Variants in COMTD1 observed in about 807,000 individuals in gnomAD.
COMTD1 encodes the protein catechol O-methyltransferase domain-containing protein 1.
COMTD1 carries 35 observed loss-of-function variants against 33.6 expected under a neutral mutation model. The observed-to-expected ratio is 1.04, with a 90% CI of 0.80 to 1.38. COMTD1 has a LOEUF of 1.38. COMTD1 is among the 40% of genes most tolerant of loss of function. The probability of loss-of-function intolerance (pLI) is 0.00; values close to 1 mark genes in which losing one functional copy is unlikely to be tolerated. For synonymous variants in COMTD1, 160 were observed against 176.8 expected, an observed-to-expected ratio of 0.91 and a Z score of 0.75; for missense variants, 370 against 363.4, an observed-to-expected ratio of 1.02 and a Z score of -0.15.
At chr10:75,234,465 C>G in intron 6 of COMTD1, 145 bp downstream of exon 6, 4 of 1,300,428 alleles carry the variant, frequency 3.1e-6, no homozygotes, top group Non-Finnish European at 4.2e-6. Context: ...GGAGGAAAGC[C>G]TGGGTACCGG....
At chr10:75,234,877 G>T (rs1842167333) in intron 5 of COMTD1, 61 bp downstream of exon 5, 1 of 1,533,398 alleles carries the variant, frequency 6.5e-7, no homozygotes, top group African/African-American at 1.4e-5. Context: ...TCACAGCTCG[G>T]CCACACAGCA....
chr10:75,235,696 G>T lies in COMTD1; in HGVS notation c.142C>A (p.Pro48Thr). ...WRGRREQCLL[P>T]PEDSRLWQYL... The stretch of plus-strand genomic sequence containing the variant: ...TGCCACAGGCGGCTGTCCTCGGGGG[G>T]AAGCAGGCACTGCTCTCGCCGGCCT... Residue 48 changes from proline to threonine, a missense_variant, in exon 2 of 7, where the codon CCC (proline) becomes ACC (threonine). Transcript: ENST00000372538. 1 of 1,598,040 alleles carries T rather than the reference G, an allele frequency of 6.3e-7. No homozygotes were observed.
At chr10:75,234,504 A>G (rs1348380134) in intron 6 of COMTD1, 106 bp downstream of exon 6, 36 of 1,440,090 alleles carry the variant, frequency 2.5e-5, no homozygotes, top group Non-Finnish European at 3.0e-5. Context: ...GGTGTAGCCT[A>G]CGTGACTGGA....
intron 5 of COMTD1, 55 bp from the exon 6 acceptor site, chr10:75,234,798 A>C: frequency 6.5e-7 from 1 of 1,538,496 alleles, no homozygotes; most frequent in Non-Finnish European, 8.7e-7. Context: ...GGCGGCCCTG[A>C]GGCCCCTCCC....
Position 75,234,618 on chromosome 10 carries a change from C to A in COMTD1, c.628G>T (p.Val210Phe). 6.4e-7 allele frequency: 1 copy of A among 1,562,052 alleles called. No individual in the cohort carries two copies. The highest frequency in any genetic ancestry group is 8.7e-7 in the Non-Finnish European group (1 of 1,153,740). Residue 210 changes from valine (V) to phenylalanine (F), a missense_variant, in exon 6 of 7, where the codon GTC (valine) becomes TTC (phenylalanine). Transcript: ENST00000372538. ...QLLRPGGILA[V>F]LRVLWRGKVL... is the part of the protein sequence containing the mutation. Reference sequence around the variant, plus strand: ...CGCAGTGGATCCCTTACTCTGAGGACGGCGAGGATGCCTCCGGGTCGCAGC... The same window carrying A: ...CGCAGTGGATCCCTTACTCTGAGGAAGGCGAGGATGCCTCCGGGTCGCAGC...
intron 5 of COMTD1, 41 bp downstream of exon 5, chr10:75,234,897 G>A (rs1445961229): frequency 6.5e-6 from 10 of 1,535,438 alleles, no homozygotes; most frequent in African/African-American, 1.4e-5. Context: ...AGCCTCGTTT[G>A]CAATGAATGG....
At chr10:75,234,505 C>G (rs1039998272) in intron 6 of COMTD1, 105 bp downstream of exon 6, 2 of 1,442,708 alleles carry the variant, frequency 1.4e-6, no homozygotes, top group East Asian at 5.0e-5. Context: ...GTGTAGCCTA[C>G]GTGACTGGAC....
chr10:75,233,963 T>A lies in COMTD1; in HGVS notation c.*110A>T. ...CCCATCCAGCGCCACACACGGAGGC[T>A]CAGGAGGTCGTGTGTCCCAGCCCCA... On this transcript the variant is annotated 3_prime_UTR_variant, in exon 7 of 7. Coordinates refer to ENST00000372538, the MANE Select transcript of COMTD1 (RefSeq NM_144589.4). 1 of 1,587,378 alleles carries A rather than the reference T, an allele frequency of 6.3e-7. No individual in the cohort carries two copies. Among genetic ancestry groups the A allele is most frequent in the East Asian group, 2.2e-5 (1 of 44,510 alleles).
intron 6 of COMTD1, 107 bp from the exon 7 acceptor site, chr10:75,234,332 G>T: frequency 8.1e-7 from 1 of 1,240,980 alleles, no homozygotes; most frequent in Non-Finnish European, 1.1e-6. Context: ...GGGAGGCGGG[G>T]TCTTGGAGGG....
In COMTD1 at chr10:75,234,129, C is replaced by T; in HGVS notation, c.733G>A (p.Val245Ile). The T allele has an allele frequency of 6.2e-7, 1 of 1,613,880 alleles. No individual in the cohort carries two copies. The highest frequency in any genetic ancestry group is 1.1e-5 in the South Asian group (1 of 91,090). ...LNERIRRDVR[V>I]YISLLPLGDG... ...CCCAGGGGCAGGAGGCTGATGTAGA[C>T]CCTGACGTCCCGCCGGATGCGTTCG... Residue 245 changes from valine to isoleucine, a missense_variant, in exon 7 of 7, where the codon GTC becomes ATC. Transcript: ENST00000372538.
Position 75,235,064 on chromosome 10 carries a change from C to T in COMTD1, c.443G>A (p.Arg148Lys). ...GAGCTAGGCGCGGGCGCTCACCTGC[C>T]TCCACAGGGGCCGTCCCAGCTCCGG... The part of the protein sequence containing the change: ...QPPELGRPLW[R>K]QAEAEHKIDL... The change falls in exon 4 of 7, where the codon AGG becomes AAG. Residue 148 changes from arginine to lysine, a missense_variant. Arg to Lys is a conservative substitution (Grantham distance 26). Coordinates refer to ENST00000372538, the MANE Select transcript of COMTD1 (RefSeq NM_144589.4). 6.9e-7 allele frequency: 1 copy of T among 1,438,996 alleles called. No homozygotes were observed. The highest frequency in any genetic ancestry group is 9.1e-7 in the Non-Finnish European group (1 of 1,100,700). The allele number at this position is 1,438,996 out of a possible 1,614,324, so 89.1% of individuals were successfully genotyped here.
At position 75,235,300 on chromosome 10, in the gene COMTD1, G is replaced by A. The variant is rs770284593; in HGVS notation, c.295C>T (p.Arg99Trp). The change falls in exon 3 of 7, where the codon CGG becomes TGG. Residue 99 changes from arginine to tryptophan, a missense_variant. Coordinates refer to ENST00000372538, the MANE Select transcript of COMTD1 (RefSeq NM_144589.4). ...EQAQLLANLA[R>W]LIQAKKALDL... ...AGCGCCTTCTTGGCCTGGATGAGCC[G>A]CGCCAGGTTGGCCAAGAGCTGGGCC... 1.9e-6 allele frequency: 3 copies of A among 1,589,862 alleles called. No individual in the cohort carries two copies. Among genetic ancestry groups the A allele is most frequent in the African/African-American group, 2.7e-5 (2 of 73,632 alleles).
At chr10:75,234,492 G>A (rs544377878) in intron 6 of COMTD1, 118 bp downstream of exon 6, 1 of 1,405,442 alleles carries the variant, frequency 7.1e-7, no homozygotes, top group East Asian at 2.5e-5. Flanking sequence ...AGCCCCGGAG[G>A]GGGTGTAGCC....
At position 75,234,223 on chromosome 10, in the gene COMTD1, G is replaced by GAC; in HGVS notation, c.637_638dup (p.Leu214SerfsTer23). On this transcript the variant is annotated frameshift_variant and splice_region_variant, in exon 7 of 7. Coordinates refer to ENST00000372538, the MANE Select transcript of COMTD1 (RefSeq NM_144589.4). LOFTEE classifies it high-confidence loss of function. ...GTTGCAGCACCTTCCCGCGCCACAGGACCTGCGGGAGGGCGGGGCCAACCG... is the reference window on the plus strand; with the variant it reads ...GTTGCAGCACCTTCCCGCGCCACAGGACACCTGCGGGAGGGCGGGGCCAACCG... The GAC allele has an allele frequency of 6.2e-7, 1 of 1,609,744 alleles. No homozygotes were observed. Among genetic ancestry groups the GAC allele is most frequent in the African/African-American group, 1.3e-5 (1 of 75,042 alleles).
chr10:75,235,852 G>A lies in COMTD1; in HGVS notation c.77C>T (p.Ala26Val), dbSNP rs1332030144. Reference sequence around the variant, plus strand: ...CTGCTCACCCAGGAAGAGGCCAGTGGCGAAGGCGGCGCCCAGTGCGGCTGA... The same window carrying A: ...CTGCTCACCCAGGAAGAGGCCAGTGACGAAGGCGGCGCCCAGTGCGGCTGA... ...LGSAALGAAF[A>V]TGLFLGRRCP... The change falls in exon 1 of 7, where the codon GCC becomes GTC. Residue 26 changes from alanine (A) to valine (V), a missense_variant. Ala to Val is a moderately conservative substitution (Grantham distance 64). Coordinates refer to ENST00000372538, the MANE Select transcript of COMTD1 (RefSeq NM_144589.4). 1.3e-6 allele frequency: 2 copies of A among 1,528,438 alleles called. No individual in the cohort carries two copies. Among genetic ancestry groups the A allele is most frequent in the African/African-American group, 2.8e-5 (2 of 71,316 alleles). The allele number at this position is 1,528,438 out of a possible 1,614,324, so 94.7% of individuals were successfully genotyped here. A position where few individuals can be genotyped will look rare whatever the true frequency, so the allele number is the denominator to read the frequency against.
Position 75,233,889 on chromosome 10 carries a change from C to G in COMTD1, c.*184G>C. On this transcript the variant is annotated 3_prime_UTR_variant, in exon 7 of 7. Transcript: ENST00000372538. Reference sequence around the variant, plus strand: ...CCAGGGAGGGGACGAATCTCAAGGCCCCTTTCACTGAAGGCAGGAGCTGTC... The same window carrying G: ...CCAGGGAGGGGACGAATCTCAAGGCGCCTTTCACTGAAGGCAGGAGCTGTC... 1 of 1,424,028 alleles carries G rather than the reference C, an allele frequency of 7.0e-7. No homozygotes were observed. The highest frequency in any genetic ancestry group is 1.4e-5 in the South Asian group (1 of 69,092). The allele number at this position is 1,424,028 out of a possible 1,614,324, so 88.2% of individuals were successfully genotyped here.
Position 75,234,744 on chromosome 10 carries a change from C to T in COMTD1, c.503-1G>A. ...GCCTCGCCCGCCGCCAGCAGCTCGT[C>T]TTGCGGGGGGAGGGAGGGCAGGTGC... On this transcript the variant is annotated splice_acceptor_variant, in intron 5 of 6. Coordinates refer to ENST00000372538, the MANE Select transcript of COMTD1 (RefSeq NM_144589.4). LOFTEE classifies it high-confidence loss of function. The T allele has an allele frequency of 6.3e-7, 1 of 1,584,526 alleles. No homozygotes were observed.
chr10:75,235,514 C>T (rs893216502), intron 2 of COMTD1, 102 bp downstream of exon 2: 6 of 1,409,222 alleles, frequency 4.3e-6, no homozygotes, highest in East Asian at 2.6e-5. Context: ...CCAGGGAAGC[C>T]GGAAGCCCAG....
At position 75,235,702 on chromosome 10, in the gene COMTD1, G is replaced by T; in HGVS notation, c.136C>A (p.Leu46Met). The change falls in exon 2 of 7, where the codon CTG (leucine) becomes ATG (methionine). Residue 46 changes from leucine to methionine, a missense_variant. By Grantham distance (15) the Leu-to-Met change is conservative. Transcript: ENST00000372538. ...AGGCGGCTGTCCTCGGGGGGAAGCAGGCACTGCTCTCGCCGGCCTCGCCAT... is the reference window on the plus strand; with the variant it reads ...AGGCGGCTGTCCTCGGGGGGAAGCATGCACTGCTCTCGCCGGCCTCGCCAT... ...PPWRGRREQC[L>M]LPPEDSRLWQ... 1 of 1,599,032 alleles carries T rather than the reference G, an allele frequency of 6.3e-7. No individual in the cohort carries two copies. Among genetic ancestry groups the T allele is most frequent in the East Asian group, 2.3e-5 (1 of 44,102 alleles).
Sources: allele counts gnomAD v4.1 joint callset, GRCh38; gene constraint gnomAD v4.1.1; transcripts MANE v1.5; gene names NCBI Gene and HGNC (gene_info 2026-07-23, HGNC 2026-07-21).